The following ESRRG variants were observed in gnomAD, a reference collection of about 807,000 sequenced individuals.
ESRRG encodes estrogen related receptor gamma.
A neutral mutation model predicts 44.0 loss-of-function variants in ESRRG; 13 were observed. That is an observed-to-expected ratio of 0.30 (90% CI 0.19 to 0.47). ESRRG has a LOEUF of 0.47. Ranked by LOEUF, ESRRG falls within the 20% of genes least tolerant of loss-of-function variation. The probability of loss-of-function intolerance (pLI) is 1.00; values close to 1 mark genes in which losing one functional copy is unlikely to be tolerated. For synonymous variants in ESRRG, 215 were observed against 214.6 expected, an observed-to-expected ratio of 1.00 and a Z score of -0.02; for missense variants, 395 against 580.6, an observed-to-expected ratio of 0.68 and a Z score of 3.29.
chr1:216,609,850 G>T (rs1050520477), intron 3 of ESRRG, among the ~76,000 whole-genome samples: 6 of 152,100 alleles, frequency 3.9e-5, no homozygotes, highest in African/African-American at 1.2e-4. Context: ...ACAAAATCTT[G>T]GCCTACATTT....
intron 1 of ESRRG, among the ~76,000 whole-genome samples, chr1:217,055,054 T>C (rs945709238): frequency 3.3e-5 from 5 of 152,126 alleles, no homozygotes; most frequent in Admixed American, 6.6e-5. Flanking sequence ...TCAGAATAGG[T>C]TTCTTCTGCA....
chr1:216,829,342 T>C (rs2095448095), intron 2 of ESRRG, among the ~76,000 whole-genome samples: 1 of 152,092 alleles, frequency 6.6e-6, no homozygotes, highest in African/African-American at 2.4e-5. Flanking sequence ...GGCCATTCAC[T>C]GGTTACCGAC....
At chr1:216,541,367 C>A (rs766793377) in intron 5 of ESRRG, among the ~76,000 whole-genome samples, 7 of 151,956 alleles carry the variant, frequency 4.6e-5, no homozygotes, top group Admixed American at 1.3e-4. Flanking sequence ...TTTAATTACA[C>A]CAAGAACTTA....
intron 3 of ESRRG, among the ~76,000 whole-genome samples, chr1:216,578,342 C>T (rs375447395): frequency 5.9e-5 from 9 of 152,204 alleles, no homozygotes; most frequent in East Asian, 5.8e-4. Flanking sequence ...CATAGGAATG[C>T]TCTGTGTAAA....
rs767644796 is a variant in ESRRG at position 216,603,947 on chromosome 1, A to AAAAAAC, written c.590-35850_590-35849insGTTTTT. ...CTGAATCAAAAAAAACAAAAAAACAAAAAAAAAAAAAAAAAGGAAAGAAAA... is the reference window on the plus strand; with the variant it reads ...CTGAATCAAAAAAAACAAAAAAACAAAAAAACAAAAAAAAAAAAAAAGGAAAGAAAA... On this transcript the variant is annotated intron_variant, in intron 3 of 6. Transcript: ENST00000408911. Among the ~76,000 whole-genome samples the AAAAAAC allele has an allele frequency of 4.8e-3, 609 of 127,174 alleles. 2 individuals are homozygous for AAAAAAC. Among genetic ancestry groups the AAAAAAC allele is most frequent in the African/African-American group, 0.01 (347 of 34,276 alleles). 83.4% of individuals were successfully genotyped at this position (127,174 alleles called of 152,430 possible). A position where few individuals can be genotyped will look rare whatever the true frequency, so the allele number is the denominator to read the frequency against.
At chr1:217,021,323 G>A (rs1036727823) in intron 1 of ESRRG, among the ~76,000 whole-genome samples, 1 of 152,152 alleles carries the variant, frequency 6.6e-6, no homozygotes, top group Non-Finnish European at 1.5e-5. Flanking sequence ...TAATGGGACA[G>A]AATGGAGTTA....
In ESRRG at chr1:216,588,449, T is replaced by A. The variant is rs188008149; in HGVS notation, c.590-20351A>T. Among the ~76,000 whole-genome samples the A allele has an allele frequency of 2.2e-4, 34 of 152,308 alleles. No individual in the cohort carries two copies. In the East Asian group the frequency reaches 6.4e-3, roughly 29 times the overall value. On this transcript the variant is annotated intron_variant, in intron 3 of 6. Coordinates refer to ENST00000408911, the MANE Select transcript of ESRRG (RefSeq NM_001438.4). Reference sequence around the variant, plus strand: ...TTATCAAACATAAAATAGAAATAAATAACTATAATTTTATGGCCTTTATGT... The same window carrying A: ...TTATCAAACATAAAATAGAAATAAAAAACTATAATTTTATGGCCTTTATGT...
chr1:216,817,929 T>A (rs182954548), intron 2 of ESRRG, among the ~76,000 whole-genome samples: 3 of 152,100 alleles, frequency 2.0e-5, no homozygotes, highest in Non-Finnish European at 4.4e-5. Flanking sequence ...TTCAGGGCTT[T>A]TTTTTTTAAC....
At chr1:217,037,611 C>A (rs532008677) in intron 1 of ESRRG, among the ~76,000 whole-genome samples, 6 of 152,166 alleles carry the variant, frequency 3.9e-5, no homozygotes, top group African/African-American at 1.4e-4. Flanking sequence ...TTATTCCACC[C>A]CAGCCCCTCC....
intron 2 of ESRRG, among the ~76,000 whole-genome samples, chr1:216,861,170 A>G (rs1244719348): frequency 2.0e-5 from 3 of 152,064 alleles, no homozygotes; most frequent in Non-Finnish European, 4.4e-5. Flanking sequence ...AAGTAAAAAT[A>G]TGAAGAGAAA....
At chr1:217,133,463 G>T (rs569410615) in intron 1 of ESRRG, among the ~76,000 whole-genome samples, 3 of 152,258 alleles carry the variant, frequency 2.0e-5, no homozygotes, top group African/African-American at 7.2e-5. Context: ...TGAGCGACGC[G>T]TGTCATAGAA....
intron 1 of ESRRG, among the ~76,000 whole-genome samples, chr1:217,030,224 C>G (rs2081879440): frequency 6.6e-6 from 1 of 152,108 alleles, no homozygotes; most frequent in Admixed American, 6.6e-5. Context: ...CCACAAGCCT[C>G]CCTGTCCCTT....
chr1:217,039,219 C>T (rs61816725), intron 1 of ESRRG, among the ~76,000 whole-genome samples: 42,744 of 152,096 alleles, frequency 0.28, 7,277 homozygotes, highest in Non-Finnish European at 0.4. Flanking sequence ...CCTCTGAGCC[C>T]TCCAAACTGT....
intron 1 of ESRRG, among the ~76,000 whole-genome samples, chr1:217,014,349 T>C (rs1013863012): frequency 3.9e-5 from 6 of 152,132 alleles, no homozygotes; most frequent in Non-Finnish European, 8.8e-5. Context: ...ATTTTAAAAA[T>C]AGTATAAGTG....
chr1:217,029,473 A>C (rs1300966341), intron 1 of ESRRG, among the ~76,000 whole-genome samples: 1 of 152,324 alleles, frequency 6.6e-6, no homozygotes, highest in East Asian at 1.9e-4. Context: ...AACTGCTTCC[A>C]AATGGACTGA....
intron 3 of ESRRG, among the ~76,000 whole-genome samples, chr1:216,576,202 A>G (rs1349841660): frequency 6.6e-6 from 1 of 152,092 alleles, no homozygotes; most frequent in Admixed American, 6.6e-5. Flanking sequence ...GATTACATTT[A>G]CTTGTGCTGG....
At chr1:216,877,626 G>T (rs1054518294) in intron 2 of ESRRG, among the ~76,000 whole-genome samples, 1 of 151,826 alleles carries the variant, frequency 6.6e-6, no homozygotes, top group Non-Finnish European at 1.5e-5. Context: ...AGGCTGTCTC[G>T]AACTCCAGAC....
chr1:216,734,321 T>G (rs1052072023), intron 2 of ESRRG, among the ~76,000 whole-genome samples: 6 of 152,136 alleles, frequency 3.9e-5, no homozygotes, highest in Non-Finnish European at 5.9e-5. Context: ...CCTCCAAATC[T>G]CATATTGAAA....
At chr1:216,564,191 CT>C (rs764293924) in intron 5 of ESRRG, 27 bp downstream of exon 5, 1 of 1,444,808 alleles carries the variant, frequency 6.9e-7, no homozygotes, top group Non-Finnish European at 9.2e-7. Flanking sequence ...GCAACCTTTT[CT>C]TTTCTTTTTC....
Sources: allele counts gnomAD v4.1 joint callset (sites outside exome capture counted in the v4.1 genomes callset), GRCh38; gene constraint gnomAD v4.1.1; transcripts MANE v1.5; gene names NCBI Gene and HGNC (gene_info 2026-07-23, HGNC 2026-07-21).